The following ADGRL2 variants were observed in gnomAD, a reference collection of about 807,000 sequenced individuals.
ADGRL2 encodes the protein adhesion G protein-coupled receptor L2.
In ADGRL2, 44 loss-of-function variants were observed where a neutral mutation model predicts 157.4. The observed-to-expected ratio is 0.28, with a 90% confidence interval of 0.22 to 0.36. ADGRL2 has a LOEUF of 0.36. Ranked by LOEUF, ADGRL2 falls within the 10% of genes least tolerant of loss-of-function variation. The pLI is 1.00. For missense variants in ADGRL2, 1,510 were observed against 1,768.9 expected, an observed-to-expected ratio of 0.85 and a Z score of 2.63; for synonymous variants, 585 against 624.7, an observed-to-expected ratio of 0.94 and a Z score of 0.95.
chr1:81,516,575 T>C lies in ADGRL2; in HGVS notation c.-247-64301T>C, dbSNP rs145856427. Among the ~76,000 whole-genome samples, 132 of 152,352 alleles carry C rather than the reference T, an allele frequency of 8.7e-4. 1 individual carries two copies. Among genetic ancestry groups the C allele is most frequent in the Middle Eastern group, 3.4e-3 (1 of 294 alleles). On this transcript the variant is annotated intron_variant, in intron 2 of 24. Transcript: ENST00000370721. Reference sequence around the variant, plus strand: ...GAGCTCTGATCATCTGACAAAATAATATTTAATTGTAAGAAATGTTTTCAA... The same window carrying C: ...GAGCTCTGATCATCTGACAAAATAACATTTAATTGTAAGAAATGTTTTCAA...
At chr1:81,594,327 A>G (rs1271391061) in intron 3 of ADGRL2, among the ~76,000 whole-genome samples, 1 of 152,212 alleles carries the variant, frequency 6.6e-6, no homozygotes. Context: ...TCTTTCAAAA[A>G]TAGTTAATGA....
intron 1 of ADGRL2, among the ~76,000 whole-genome samples, chr1:81,326,499 G>T (rs1258819599): frequency 6.6e-6 from 1 of 152,220 alleles, no homozygotes; most frequent in South Asian, 2.1e-4. Context: ...CTGTTTTAAT[G>T]GACCATTCTT....
chr1:81,918,565 A>G lies in ADGRL2; in HGVS notation c.287+11335A>G, dbSNP rs565455024. 2.0e-5 allele frequency among the ~76,000 whole-genome samples: 3 copies of G among 152,276 alleles called. No individual in the cohort carries two copies. In the South Asian group the frequency reaches 6.2e-4, roughly 32 times the overall value. ...CCCCTCTTGATGAGTAAAATATGAA[A>G]TAGAATTTATCAGAATGCCAGTGTT... On this transcript the variant is annotated intron_variant, in intron 3 of 23. Coordinates refer to ENST00000686636, the MANE Select transcript of ADGRL2 (RefSeq NM_001366006.2).
intron 2 of ADGRL2, among the ~76,000 whole-genome samples, chr1:81,857,265 C>A (rs566562536): frequency 1.3e-5 from 2 of 152,076 alleles, no homozygotes; most frequent in African/African-American, 4.8e-5. Flanking sequence ...TAATGGAAAT[C>A]CATTTTTATT....
upstream of ADGRL2, among the ~76,000 whole-genome samples, chr1:81,796,992 T>C (rs1210116307): frequency 6.6e-6 from 1 of 152,212 alleles, no homozygotes; most frequent in Admixed American, 6.5e-5. Flanking sequence ...TGATTTCTTT[T>C]CAGCCTACAT....
chr1:81,692,073 T>C (rs1421737579), intron 3 of ADGRL2, among the ~76,000 whole-genome samples: 1 of 151,760 alleles, frequency 6.6e-6, no homozygotes, highest in Non-Finnish European at 1.5e-5. Flanking sequence ...TTTCATATAG[T>C]ATACAGAAAG....
chr1:81,970,216 A>G (rs1658315358), intron 15 of ADGRL2, 98 bp from the exon 16 acceptor site: 2 of 827,400 alleles, frequency 2.4e-6, no homozygotes, highest in Non-Finnish European at 4.1e-6. Flanking sequence ...TATTTTTGAA[A>G]TAATAGTGAT....
intron 1 of ADGRL2, among the ~76,000 whole-genome samples, chr1:81,402,069 C>T (rs189042177): frequency 7.9e-6 from 1 of 125,844 alleles, no homozygotes; most frequent in Non-Finnish European, 1.8e-5. Context: ...TAGCAGATGG[C>T]ATACTTCCTT....
intron 1 of ADGRL2, among the ~76,000 whole-genome samples, chr1:81,815,317 CTT>C (rs2090288677): frequency 6.6e-6 from 1 of 151,864 alleles, no homozygotes; most frequent in Non-Finnish European, 1.5e-5. Flanking sequence ...AAGGAAAAGA[CTT>C]AGTCCAACAT....
chr1:81,350,783 A>G (rs1233450057), intron 1 of ADGRL2, among the ~76,000 whole-genome samples: 1 of 152,070 alleles, frequency 6.6e-6, no homozygotes, highest in African/African-American at 2.4e-5. Flanking sequence ...GCATTTGGAG[A>G]ACTTGACTGT....
intron 2 of ADGRL2, among the ~76,000 whole-genome samples, chr1:81,843,807 C>T (rs1245585539): frequency 6.6e-6 from 1 of 152,114 alleles, no homozygotes; most frequent in African/African-American, 2.4e-5. Context: ...TCAGAATATG[C>T]CATGTTTCAT....
rs2076006218 is a variant in ADGRL2, at chr1:81,363,091, A to G, written c.-302+56582A>G. On this transcript the variant is annotated intron_variant, in intron 1 of 24. Transcript: ENST00000370721. ...TATCTATGTTGATATACTGGTAGAT[A>G]TTTATTAAGCAAAACGAATATCTTA... 2.6e-5 allele frequency among the ~76,000 whole-genome samples: 4 copies of G among 152,242 alleles called. No individual in the cohort carries two copies. The South Asian group carries it at 8.3e-4, about 32-fold the overall frequency.
intron 3 of ADGRL2, among the ~76,000 whole-genome samples, chr1:81,616,121 C>CT (rs1042665926): frequency 6.6e-6 from 1 of 150,780 alleles, no homozygotes; most frequent in Non-Finnish European, 1.5e-5. Flanking sequence ...GCCATCCCTA[C>CT]TAGTATTTGG....
At chr1:81,920,369 T>C (rs1266145783) in intron 3 of ADGRL2, among the ~76,000 whole-genome samples, 3 of 152,174 alleles carry the variant, frequency 2.0e-5, no homozygotes, top group Non-Finnish European at 4.4e-5. Flanking sequence ...ATTAGTGTTA[T>C]GGTTGGTGTT....
intron 1 of ADGRL2, among the ~76,000 whole-genome samples, chr1:81,807,053 G>A (rs749170458): frequency 2.6e-5 from 4 of 151,824 alleles, no homozygotes; most frequent in Non-Finnish European, 5.9e-5. Flanking sequence ...AAAATGCATC[G>A]TTACAAAAAA....
At position 81,952,132 on chromosome 1, in the gene ADGRL2, G is replaced by A. The variant is rs754652149; in HGVS notation, c.1784G>A (p.Ser595Asn). 6.2e-7 allele frequency: 1 copy of A among 1,611,164 alleles called. No individual in the cohort carries two copies. Among genetic ancestry groups the A allele is most frequent in the South Asian group, 1.1e-5 (1 of 90,720 alleles). Residue 595 changes from serine (S) to asparagine (N), a missense_variant, in exon 9 of 24, where the codon AGT becomes AAT. Physicochemically the swap from Ser to Asn is conservative, Grantham distance 46. This residue lies in a region of ADGRL2 where 325 missense variants were observed against 333.2 expected (regional missense o/e 0.98). Coordinates refer to ENST00000686636, the MANE Select transcript of ADGRL2 (RefSeq NM_001366006.2). The part of the protein sequence containing the change: ...KPSEKDSAGR[S>N]YNKLQKREKT... Reference sequence around the variant, plus strand: ...AGTGAAAAAGATTCAGCTGGACGGAGTTATAACAAGGTAGAGAGAACTCTT... The same window carrying A: ...AGTGAAAAAGATTCAGCTGGACGGAATTATAACAAGGTAGAGAGAACTCTT...
intron 1 of ADGRL2, among the ~76,000 whole-genome samples, chr1:81,363,714 AT>A (rs901133910): frequency 2.6e-5 from 4 of 151,984 alleles, no homozygotes; most frequent in Non-Finnish European, 5.9e-5. Context: ...TGTTTTGTTG[AT>A]TTTTTTTCCT....
intron 2 of ADGRL2, among the ~76,000 whole-genome samples, chr1:81,499,343 T>C (rs895828581): frequency 6.6e-6 from 1 of 152,282 alleles, no homozygotes; most frequent in Non-Finnish European, 1.5e-5. Context: ...GCATAAATGC[T>C]GTGATTCACA....
chr1:81,443,535 T>C (rs971649586), intron 1 of ADGRL2, among the ~76,000 whole-genome samples: 1 of 152,210 alleles, frequency 6.6e-6, no homozygotes, highest in African/African-American at 2.4e-5. Flanking sequence ...TGTCTGATTT[T>C]CTATTGCTGG....
Sources: gnomAD v4.1 joint callset for allele counts (sites outside exome capture counted in the v4.1 genomes callset) on GRCh38, gnomAD v4.1.1 for gene constraint, gnomAD v4.1.1 regional missense constraint, MANE v1.5 for transcripts, NCBI Gene and HGNC (gene_info 2026-07-23, HGNC 2026-07-21) for gene names.